The following MYCBP2 variants were observed in gnomAD, a reference collection of about 807,000 sequenced individuals.
MYCBP2 encodes E3 ubiquitin-protein ligase MYCBP2.
A neutral mutation model predicts 525.3 loss-of-function variants in MYCBP2; 120 were observed. The observed-to-expected ratio is 0.23, with a 90% CI of 0.20 to 0.27. The LOEUF is 0.27. Among genes scored for constraint, MYCBP2 ranks in the 10% least tolerant of loss-of-function variants. MYCBP2 has a pLI of 1.00. For synonymous variants in MYCBP2, 1,894 were observed against 1,955.8 expected, an observed-to-expected ratio of 0.97 and a Z score of 0.83; for missense variants, 4,149 against 5,657.1, an observed-to-expected ratio of 0.73 and a Z score of 8.55.
chr13:77,206,812 T>G lies in MYCBP2; in HGVS notation c.3430A>C (p.Thr1144Pro). The G allele has an allele frequency of 6.3e-7, 1 of 1,596,730 alleles. No homozygotes were observed. Among genetic ancestry groups the G allele is most frequent in the Non-Finnish European group, 8.5e-7 (1 of 1,172,496 alleles). ...GCATTGTAACACCACAGCTCTCTAG[T>G]ATTTGGTCGAAACCTTTAAAGAAAA... is the stretch of plus-strand genomic sequence containing the variant. ...YDVIWRFRPN[T>P]RELWCYNAVV... is the part of the protein sequence containing the mutation. Residue 1144 changes from threonine (T) to proline (P), a missense_variant, in exon 24 of 83, where the codon ACT becomes CCT. Thr to Pro is a conservative substitution (Grantham distance 38). Coordinates refer to ENST00000544440, the MANE Select transcript of MYCBP2 (RefSeq NM_015057.5).
chr13:77,138,781 T>C (rs973169859), intron 52 of MYCBP2, among the ~76,000 whole-genome samples: 19 of 152,168 alleles, frequency 1.2e-4, no homozygotes, highest in African/African-American at 4.6e-4. Flanking sequence ...CACACAGAAC[T>C]ATCTGCAAAA....
intron 55 of MYCBP2, chr13:77,118,280 A>T: frequency 1.5e-6 from 1 of 667,044 alleles, no homozygotes; most frequent in South Asian, 1.7e-5. Flanking sequence ...GTAACTGATA[A>T]GCAACTCAGA....
intron 65 of MYCBP2, among the ~76,000 whole-genome samples, chr13:77,079,915 G>A (rs951349093): frequency 6.6e-6 from 1 of 152,194 alleles, no homozygotes; most frequent in Admixed American, 6.6e-5. Context: ...CAGCTTACAT[G>A]TTGGGAATTT....
intron 14 of MYCBP2, among the ~76,000 whole-genome samples, chr13:77,253,020 C>T (rs1438215026): frequency 6.6e-6 from 1 of 151,892 alleles, no homozygotes; most frequent in Non-Finnish European, 1.5e-5. Context: ...CACCAGGCTA[C>T]ATTCATCAAA....
intron 1 of MYCBP2, among the ~76,000 whole-genome samples, chr13:77,307,456 T>C (rs2079584089): frequency 6.7e-6 from 1 of 149,454 alleles, no homozygotes; most frequent in Non-Finnish European, 1.5e-5. Context: ...CAAGACCCCG[T>C]CTCTATTAAA....
At chr13:77,159,025 T>C (rs1465886886) in intron 44 of MYCBP2, among the ~76,000 whole-genome samples, 1 of 152,214 alleles carries the variant, frequency 6.6e-6, no homozygotes, top group Non-Finnish European at 1.5e-5. Context: ...TTACTGACTA[T>C]AAAATAAATT....
chr13:77,240,677 A>G (rs2068683390), intron 17 of MYCBP2, among the ~76,000 whole-genome samples: 1 of 152,168 alleles, frequency 6.6e-6, no homozygotes, highest in Non-Finnish European at 1.5e-5. Flanking sequence ...GTGCTGTGTT[A>G]ACTGAAACAC....
At position 77,251,843 on chromosome 13, in the gene MYCBP2, G is replaced by A. The variant is rs556785438; in HGVS notation, c.2177-488C>T. 9.2e-5 allele frequency among the ~76,000 whole-genome samples: 14 copies of A among 152,274 alleles called. No individual in the cohort carries two copies. In the South Asian group the frequency reaches 2.9e-3, roughly 32 times the overall value. On this transcript the variant is annotated intron_variant, in intron 14 of 82. Coordinates refer to ENST00000544440, the MANE Select transcript of MYCBP2 (RefSeq NM_015057.5). ...CAGCAAGAGGCAGTAGGCACAAGATGGCTCCTAATTTTCTCCAATCTCATT... is the reference window on the plus strand; with the variant it reads ...CAGCAAGAGGCAGTAGGCACAAGATAGCTCCTAATTTTCTCCAATCTCATT...
In MYCBP2 at chr13:77,307,625, C is replaced by CAA. The variant is rs763388200; in HGVS notation, c.303-10953_303-10952dup. Among the ~76,000 whole-genome samples, 228 of 30,058 alleles carry CAA rather than the reference C, an allele frequency of 7.6e-3. 20 individuals carry two copies. Among genetic ancestry groups the CAA allele is most frequent in the East Asian group, 0.033 (41 of 1,236 alleles). 19.7% of individuals were successfully genotyped at this position (30,058 alleles called of 152,430 possible). On this transcript the variant is annotated intron_variant, in intron 1 of 82. Transcript: ENST00000544440. ...TGGATGACAAAGTGAGACCCTGTCT[C>CAA]AAAAAAAAAAAAAAAAAAAAAAAAA... is the stretch of plus-strand genomic sequence containing the variant.
At chr13:77,100,251 G>A (rs1035770269) in intron 55 of MYCBP2, 2 of 152,016 alleles carry the variant, frequency 1.3e-5, no homozygotes, top group Non-Finnish European at 2.9e-5. Context: ...TTATGCTTCC[G>A]TGCATGTGTT....
intron 12 of MYCBP2, 68 bp downstream of exon 12, chr13:77,261,103 T>A (rs2073190212): frequency 1.6e-6 from 2 of 1,283,170 alleles, no homozygotes; most frequent in Non-Finnish European, 2.2e-6. Context: ...TTTATCTTAA[T>A]AAAGTTTTAT....
chr13:77,061,347 T>C, intron 75 of MYCBP2, 46 bp from the exon 76 acceptor site: 3 of 1,477,850 alleles, frequency 2.0e-6, no homozygotes, highest in Non-Finnish European at 2.8e-6. Context: ...TATTTATCAC[T>C]CTGAAAGGGA....
chr13:77,318,530 C>T (rs1329246275), intron 1 of MYCBP2, among the ~76,000 whole-genome samples: 5 of 152,096 alleles, frequency 3.3e-5, no homozygotes, highest in East Asian at 1.9e-4. Context: ...ACGAGGCAGG[C>T]GGATCACGAG....
At position 77,098,471 on chromosome 13, in the gene MYCBP2, G is replaced by A. The variant is rs776428171; in HGVS notation, c.8683C>T (p.Arg2895Trp). 17 of 1,613,530 alleles carry A rather than the reference G, an allele frequency of 1.1e-5. No homozygotes were observed. Among genetic ancestry groups the A allele is most frequent in the African/African-American group, 6.7e-5 (5 of 74,860 alleles). ...GATTTTGGTTTTGGTGACGTTGACC[G>A]TCCTCTCAAAGGTTCTGTGAGGGGC... ...KMPLTEPLRGRSTSPKPKSVP... is the reference protein window; with the variant it reads ...KMPLTEPLRGWSTSPKPKSVP... Residue 2895 changes from arginine to tryptophan, a missense_variant, in exon 56 of 83, where the codon CGG becomes TGG. By Grantham distance (101) the Arg-to-Trp change is moderately radical (BLOSUM62 -3). This residue lies in a region of MYCBP2 where 653 missense variants were observed against 744.7 expected (regional missense o/e 0.88). Coordinates refer to ENST00000544440, the MANE Select transcript of MYCBP2 (RefSeq NM_015057.5).
rs1292001046 is a variant in MYCBP2, at chr13:77,176,548, G to A, written c.5421C>T (p.Asp1807=). ...ELVKGTYTTD[D]SPSDIAEIRL... is the part of the protein sequence containing the mutation. The stretch of plus-strand genomic sequence containing the variant: ...TGATCTCAGCTATATCACTGGGTGA[G>A]TCATCCGTTGTGTACGTTCCTTTCA... The change falls in exon 36 of 83, where the codon GAC becomes GAT. Residue 1807 remains aspartate, a synonymous_variant. Coordinates refer to ENST00000544440, the MANE Select transcript of MYCBP2 (RefSeq NM_015057.5). 3 of 1,600,038 alleles carry A rather than the reference G, an allele frequency of 1.9e-6. No individual in the cohort carries two copies. The highest frequency in any genetic ancestry group is 2.6e-6 in the Non-Finnish European group (3 of 1,171,088).
Position 77,262,055 on chromosome 13 carries a change from T to C in MYCBP2, c.1645A>G (p.Lys549Glu). ...EFALMKTANG[K>E]IYYTGKYQSL... ...TTAATCCAAAGAGAATAATTTACCT[T>C]TCCATTTGCTGTTTTCATTAGCGCA... Residue 549 changes from lysine to glutamate, a missense_variant and splice_region_variant, in exon 11 of 83, where the codon AAG becomes GAG. Lys to Glu is a moderately conservative substitution (Grantham distance 56). Coordinates refer to ENST00000544440, the MANE Select transcript of MYCBP2 (RefSeq NM_015057.5). The C allele has an allele frequency of 2.5e-5, 41 of 1,609,848 alleles. No individual in the cohort carries two copies. The highest frequency in any genetic ancestry group is 3.5e-5 in the Non-Finnish European group (41 of 1,177,364).
At chr13:77,228,248 G>A (rs902577916) in intron 18 of MYCBP2, among the ~76,000 whole-genome samples, 7 of 152,102 alleles carry the variant, frequency 4.6e-5, no homozygotes, top group Non-Finnish European at 7.4e-5. Context: ...GTTCACACCT[G>A]TAATCTCAGG....
rs192845881 is a variant in MYCBP2, at chr13:77,066,159, T to C, written c.12456-71A>G. Reference sequence around the variant, plus strand: ...TAGTAACAAATGAAAAAGATGAAAATGTTATTTCAGAATGCAGCATTTTAG... The same window carrying C: ...TAGTAACAAATGAAAAAGATGAAAACGTTATTTCAGAATGCAGCATTTTAG... On this transcript the variant is annotated intron_variant, in intron 71 of 82. Transcript: ENST00000544440. 8.1e-5 allele frequency: 88 copies of C among 1,092,896 alleles called. No homozygotes were observed. The East Asian group carries it at 1.1e-3, about 14-fold the overall frequency. 67.7% of individuals were successfully genotyped at this position (1,092,896 alleles called of 1,614,324 possible). A position where few individuals can be genotyped will look rare whatever the true frequency, so the allele number is the denominator to read the frequency against.
At chr13:77,319,252 G>A (rs1395150442) in intron 1 of MYCBP2, among the ~76,000 whole-genome samples, 1 of 152,022 alleles carries the variant, frequency 6.6e-6, no homozygotes, top group Non-Finnish European at 1.5e-5. Context: ...GGGGTAAGAG[G>A]GACAGCACAG....
Sources: gnomAD v4.1 joint callset for allele counts (sites outside exome capture counted in the v4.1 genomes callset) on GRCh38, gnomAD v4.1.1 for gene constraint, gnomAD v4.1.1 regional missense constraint, MANE v1.5 for transcripts, NCBI Gene and HGNC (gene_info 2026-07-23, HGNC 2026-07-21) for gene names.